Variants in PTPN4 observed in about 807,000 individuals in gnomAD.
PTPN4 encodes the protein tyrosine-protein phosphatase non-receptor type 4.
In PTPN4, 49 loss-of-function variants were observed where a neutral mutation model predicts 135.5. The ratio of observed to expected loss-of-function variants is 0.36; its 90% CI spans 0.29 to 0.46. PTPN4 has a LOEUF of 0.46. Ranked by LOEUF, PTPN4 falls within the 20% of genes least tolerant of loss-of-function variation. The pLI, the probability that PTPN4 is intolerant of heterozygous loss-of-function variation, is 1.00. For missense variants in PTPN4, 860 were observed against 1,101.0 expected (o/e 0.78, Z 3.10); for synonymous variants, 333 against 369.9 (o/e 0.90, Z 1.14).
chr2:119,907,487 C>T (rs538663754), intron 10 of PTPN4, among the ~76,000 whole-genome samples: 3 of 152,144 alleles, frequency 2.0e-5, no homozygotes, highest in East Asian at 1.9e-4. Context: ...ATTTGTAGTC[C>T]TAGCTACTCC....
chr2:119,823,538 G>A (rs1012435809), intron 2 of PTPN4, among the ~76,000 whole-genome samples: 2 of 152,042 alleles, frequency 1.3e-5, no homozygotes, highest in Non-Finnish European at 2.9e-5. Context: ...CAGCCCATCT[G>A]TTTCTTACAT....
intron 1 of PTPN4, among the ~76,000 whole-genome samples, chr2:119,780,193 T>C (rs2104927611): frequency 6.6e-6 from 1 of 152,360 alleles, no homozygotes; most frequent in Non-Finnish European, 1.5e-5. Context: ...TGCTCTCTCT[T>C]TATATGTACT....
chr2:119,876,077 TATG>T (rs1417905522), intron 3 of PTPN4, among the ~76,000 whole-genome samples: 1 of 152,118 alleles, frequency 6.6e-6, no homozygotes, highest in Non-Finnish European at 1.5e-5. Flanking sequence ...TTGAGGGCCT[TATG>T]ATGGCATCTT....
intron 2 of PTPN4, among the ~76,000 whole-genome samples, chr2:119,857,394 C>T (rs1213404922): frequency 2.0e-5 from 3 of 151,836 alleles, no homozygotes; most frequent in Admixed American, 2.0e-4. Context: ...ATTAGCCAGG[C>T]TTGGTCGCGT....
intron 22 of PTPN4, among the ~76,000 whole-genome samples, chr2:119,958,571 A>G (rs1679322987): frequency 1.3e-5 from 2 of 152,172 alleles, no homozygotes; most frequent in South Asian, 4.1e-4. Context: ...ATCACTGTAT[A>G]TGTCAGTTGA....
At chr2:119,942,991 G>A (rs891940620) in intron 15 of PTPN4, among the ~76,000 whole-genome samples, 1 of 152,238 alleles carries the variant, frequency 6.6e-6, no homozygotes, top group Non-Finnish European at 1.5e-5. Flanking sequence ...TGTATGCTCT[G>A]ATGCAGTCTT....
chr2:119,946,395 G>A lies in PTPN4; in HGVS notation c.1570G>A (p.Glu524Lys). ...NLVLIRMKPD[E>K]NGRFGFNVKG... ...TGTCCTAATCAGAATGAAACCTGAT[G>A]AAAATGGGAGGTTTGGATTCAATGT... The change falls in exon 17 of 27, where the codon GAA becomes AAA. Residue 524 changes from glutamate to lysine, a missense_variant. By Grantham distance (56) the Glu-to-Lys change is moderately conservative. Transcript: ENST00000263708. 6.2e-7 allele frequency: 1 copy of A among 1,611,676 alleles called. No individual in the cohort carries two copies. The highest frequency in any genetic ancestry group is 8.5e-7 in the Non-Finnish European group (1 of 1,178,624).
At chr2:119,780,246 C>G (rs1690912460) in intron 1 of PTPN4, among the ~76,000 whole-genome samples, 1 of 152,152 alleles carries the variant, frequency 6.6e-6, no homozygotes, top group African/African-American at 2.4e-5. Flanking sequence ...ATATCATGAT[C>G]ATAACACTTA....
At chr2:119,801,079 A>T (rs570825183) in intron 1 of PTPN4, among the ~76,000 whole-genome samples, 2 of 151,754 alleles carry the variant, frequency 1.3e-5, no homozygotes, top group East Asian at 3.9e-4. Flanking sequence ...TTGCCTTTCC[A>T]TATTAATTTT....
intron 10 of PTPN4, among the ~76,000 whole-genome samples, chr2:119,908,975 T>G (rs1678528771): frequency 6.6e-6 from 1 of 152,114 alleles, no homozygotes; most frequent in African/African-American, 2.4e-5. Flanking sequence ...GCCCTAACTC[T>G]CTTTAATTAT....
rs75250021 is a variant in PTPN4, at chr2:119,874,217, C to T, written c.247-3106C>T. Among the ~76,000 whole-genome samples, 1,473 of 152,244 alleles carry T rather than the reference C, an allele frequency of 9.7e-3. 17 individuals carry two copies. Among genetic ancestry groups the T allele is most frequent in the Middle Eastern group, 0.048 (14 of 294 alleles). ...AAGTGAAGAAATGGAAATCTTTATACATTGATATTGGAGATGTAAAAGGTA... is the reference window on the plus strand; with the variant it reads ...AAGTGAAGAAATGGAAATCTTTATATATTGATATTGGAGATGTAAAAGGTA... On this transcript the variant is annotated intron_variant, in intron 3 of 26. Coordinates refer to ENST00000263708, the MANE Select transcript of PTPN4 (RefSeq NM_002830.4).
At chr2:119,907,611 GA>G (rs34031784) in intron 10 of PTPN4, among the ~76,000 whole-genome samples, 140,942 of 150,608 alleles carry the variant, frequency 0.94, 66,435 homozygotes, top group South Asian at 1. Context: ...TCTCTATTAA[GA>G]AAAAAAAAAA....
At chr2:119,773,262 T>A (rs541862298) in intron 1 of PTPN4, among the ~76,000 whole-genome samples, 83 of 152,188 alleles carry the variant, frequency 5.5e-4, no homozygotes, top group Non-Finnish European at 1.1e-3. Context: ...TGGAAAATGC[T>A]ACAAGTTGAA....
chr2:119,785,666 C>T (rs1691033380), intron 1 of PTPN4, among the ~76,000 whole-genome samples: 1 of 151,918 alleles, frequency 6.6e-6, no homozygotes, highest in South Asian at 2.1e-4. Context: ...AAGAATGATG[C>T]ATATAATGAA....
At chr2:119,860,736 T>C (rs1677748923) in intron 2 of PTPN4, among the ~76,000 whole-genome samples, 1 of 152,154 alleles carries the variant, frequency 6.6e-6, no homozygotes, top group African/African-American at 2.4e-5. Context: ...GACTGGGTAA[T>C]TTATTTTAAA....
intron 9 of PTPN4, among the ~76,000 whole-genome samples, chr2:119,891,936 A>G (rs1217621733): frequency 1.3e-5 from 2 of 152,038 alleles, no homozygotes; most frequent in African/African-American, 4.8e-5. Context: ...GTAGGGGAGG[A>G]CTTTTTCCTG....
At chr2:119,854,742 C>G (rs1677647080) in intron 2 of PTPN4, among the ~76,000 whole-genome samples, 4 of 152,158 alleles carry the variant, frequency 2.6e-5, no homozygotes, top group Non-Finnish European at 2.9e-5. Flanking sequence ...AATAAAAGAG[C>G]TAACCAATTC....
chr2:119,976,103 C>G lies in PTPN4; in HGVS notation c.2695-881C>G, dbSNP rs554742066. On this transcript the variant is annotated intron_variant, in intron 26 of 26. Transcript: ENST00000263708. ...CTCCGCCTCCCAGGTTCACGCCATT[C>G]TCCTGCCTCAGCCTCCTGAGTAGCT... 2.0e-5 allele frequency among the ~76,000 whole-genome samples: 3 copies of G among 151,106 alleles called. No homozygotes were observed. In the East Asian group the frequency reaches 5.9e-4, roughly 30 times the overall value.
At chr2:119,894,673 C>G (rs1678291419) in intron 9 of PTPN4, among the ~76,000 whole-genome samples, 1 of 152,020 alleles carries the variant, frequency 6.6e-6, no homozygotes, top group Non-Finnish European at 1.5e-5. Flanking sequence ...ATAATTTCAA[C>G]ATATGTTACA....
Sources: gnomAD v4.1 joint callset for allele counts (sites outside exome capture counted in the v4.1 genomes callset) on GRCh38, gnomAD v4.1.1 for gene constraint, MANE v1.5 for transcripts, NCBI Gene and HGNC (gene_info 2026-07-23, HGNC 2026-07-21) for gene names.